The following CIZ1 variants were observed in gnomAD, a reference collection of about 807,000 sequenced individuals.
The protein encoded by CIZ1 is CDKN1A interacting zinc finger protein 1, also known as cip1-interacting zinc finger protein.
A neutral mutation model predicts 118.6 loss-of-function variants in CIZ1; 58 were observed. The observed-to-expected ratio is 0.49, with a 90% CI of 0.40 to 0.61. The LOEUF is 0.61. Among genes scored for constraint, CIZ1 ranks in the 20% least tolerant of loss-of-function variants. The pLI is 0.00. For missense variants in CIZ1, 921 were observed against 1,115.9 expected (o/e 0.83, Z 2.49); for synonymous variants, 448 against 443.4 (o/e 1.01, Z -0.13).
chr9:128,177,106 T>G (rs1830957872), intron 10 of CIZ1, among the ~76,000 whole-genome samples: 1 of 152,064 alleles, frequency 6.6e-6, no homozygotes, highest in Non-Finnish European at 1.5e-5. Flanking sequence ...TTCAGGCTGG[T>G]CTCAAACTCC....
rs563852980 is a variant in CIZ1 at position 128,182,596 on chromosome 9, C to T, written c.589-1782G>A. Among the ~76,000 whole-genome samples the T allele has an allele frequency of 2.6e-5, 4 of 152,300 alleles. No individual in the cohort carries two copies. The East Asian group carries it at 5.8e-4, about 22-fold the overall frequency. On this transcript the variant is annotated intron_variant, in intron 5 of 16. Coordinates refer to ENST00000372938, the MANE Select transcript of CIZ1 (RefSeq NM_001131016.2). ...CCCTGCACAAACGGGCCTCTGCACACTACCTGCCCCGGCCATGCCCCCGCA... is the reference window on the plus strand; with the variant it reads ...CCCTGCACAAACGGGCCTCTGCACATTACCTGCCCCGGCCATGCCCCCGCA...
At chr9:128,181,712 G>A (rs1232173242) in intron 5 of CIZ1, among the ~76,000 whole-genome samples, 1 of 149,740 alleles carries the variant, frequency 6.7e-6, no homozygotes, top group Non-Finnish European at 1.5e-5. Context: ...TGGTCCAGCA[G>A]TAGCAAAAGG....
In CIZ1 at chr9:128,177,546, C is replaced by CCAA; in HGVS notation, c.1818+19_1818+20insTTG. ...CACGCAGGCCCCACCCCTCCCCACC[C>CCAA]TTATCTCCTGTATCAGTACCTGCTG... is the stretch of plus-strand genomic sequence containing the variant. On this transcript the variant is annotated intron_variant, in intron 10 of 16. Coordinates refer to ENST00000372938, the MANE Select transcript of CIZ1 (RefSeq NM_001131016.2). 2.3e-5 allele frequency: 31 copies of CCAA among 1,353,390 alleles called. No homozygotes were observed. Among genetic ancestry groups the CCAA allele is most frequent in the Non-Finnish European group, 3.1e-5 (31 of 1,013,696 alleles). The allele number at this position is 1,353,390 out of a possible 1,614,324, so 83.8% of individuals were successfully genotyped here. A position where few individuals can be genotyped will look rare whatever the true frequency, so the allele number is the denominator to read the frequency against.
intron 11 of CIZ1, among the ~76,000 whole-genome samples, chr9:128,172,924 G>T (rs1830319747): frequency 6.6e-6 from 1 of 152,124 alleles, no homozygotes; most frequent in Non-Finnish European, 1.5e-5. Context: ...TAGATTTTAG[G>T]ATTTAGGGAC....
intron 9 of CIZ1, 61 bp downstream of exon 9, chr9:128,178,308 G>A: frequency 6.4e-7 from 1 of 1,550,860 alleles, no homozygotes; most frequent in Non-Finnish European, 8.7e-7. Flanking sequence ...GGCAGAAAGA[G>A]GCCATCCCAC....
rs530558906 is a variant in CIZ1, at chr9:128,182,843, C to T, written c.589-2029G>A. On this transcript the variant is annotated intron_variant, in intron 5 of 16. Transcript: ENST00000372938. ...CTCACTGTGTTTCCTAGGCTAGTCT[C>T]GAACTCCTGGGCTCAACTGATCCTC... 3.0e-4 allele frequency among the ~76,000 whole-genome samples: 46 copies of T among 151,974 alleles called. 1 individual carries two copies. Among genetic ancestry groups the T allele is most frequent in the Non-Finnish European group, 5.9e-5 (4 of 67,936 alleles).
At position 128,180,823 on chromosome 9, in the gene CIZ1, T is replaced by C; in HGVS notation, c.589-9A>G. ...GTCTGAGAAGAAGAATCCTGCTTCC[T>C]TTCAGAAACTATGTTGACATCCAAT... On this transcript the variant is annotated splice_polypyrimidine_tract_variant and intron_variant, in intron 5 of 16. Transcript: ENST00000372938. 1 of 1,598,680 alleles carries C rather than the reference T, an allele frequency of 6.3e-7. No individual in the cohort carries two copies. Among genetic ancestry groups the C allele is most frequent in the Middle Eastern group, 1.7e-4 (1 of 6,036 alleles).
At chr9:128,188,762 A>T (rs974113878) in intron 3 of CIZ1, among the ~76,000 whole-genome samples, 2 of 151,952 alleles carry the variant, frequency 1.3e-5, no homozygotes, top group Admixed American at 1.3e-4. Flanking sequence ...CCTCCTGAGT[A>T]GCTGGGATTA....
intron 11 of CIZ1, among the ~76,000 whole-genome samples, chr9:128,170,945 G>GC (rs748579673): frequency 1.3e-5 from 2 of 151,702 alleles, no homozygotes; most frequent in Non-Finnish European, 2.9e-5. Context: ...GAGCAACACA[G>GC]CAAGACCCCA....
intron 9 of CIZ1, among the ~76,000 whole-genome samples, chr9:128,178,135 G>A (rs1461015763): frequency 6.6e-6 from 1 of 152,198 alleles, no homozygotes; most frequent in Non-Finnish European, 1.5e-5. Context: ...CTGGCTTGGG[G>A]ATGGGCAGGC....
At chr9:128,176,162 T>C (rs1419126362) in intron 11 of CIZ1, among the ~76,000 whole-genome samples, 189 bp downstream of exon 11, 1 of 152,222 alleles carries the variant, frequency 6.6e-6, no homozygotes, top group African/African-American at 2.4e-5. Flanking sequence ...TCCTGTACTA[T>C]ATCCGTCACC....
chr9:128,201,576 C>T (rs1253267802), intron 1 of CIZ1, among the ~76,000 whole-genome samples: 1 of 152,270 alleles, frequency 6.6e-6, no homozygotes, highest in Non-Finnish European at 1.5e-5. Flanking sequence ...TCTGCCTTCT[C>T]TTGTCCTCAG....
At position 128,179,081 on chromosome 9, in the gene CIZ1, G is replaced by A; in HGVS notation, c.1126C>T (p.Gln376Ter). The change falls in exon 8 of 17, where the codon CAG becomes TAG. Residue 376 changes from glutamine to a stop codon, truncating the protein, a stop_gained. Coordinates refer to ENST00000372938, the MANE Select transcript of CIZ1 (RefSeq NM_001131016.2). LOFTEE classifies it high-confidence loss of function. ...QQEAEPQKQV[Q>*]PQVQPQAHSQ... ...TGTGCCTGTGGCTGTACCTGTGGCTGCACCTGCTTCTGTGGCTCTGCCTCC... is the reference window on the plus strand; with the variant it reads ...TGTGCCTGTGGCTGTACCTGTGGCTACACCTGCTTCTGTGGCTCTGCCTCC... 3 of 1,613,840 alleles carry A rather than the reference G, an allele frequency of 1.9e-6. No homozygotes were observed. The highest frequency in any genetic ancestry group is 2.5e-6 in the Non-Finnish European group (3 of 1,179,824).
intron 5 of CIZ1, 75 bp from the exon 6 acceptor site, chr9:128,180,889 C>T (rs1831509850): frequency 9.3e-7 from 1 of 1,079,426 alleles, no homozygotes; most frequent in Non-Finnish European, 1.4e-6. Flanking sequence ...GGGCAGCTGC[C>T]CCCCATCCTC....
rs895704653 is a variant in CIZ1, at chr9:128,203,739, C to T, written c.-6+447G>A. 4.8e-6 allele frequency: 5 copies of T among 1,052,348 alleles called. No individual in the cohort carries two copies. Among genetic ancestry groups the T allele is most frequent in the Non-Finnish European group, 6.1e-6 (5 of 824,708 alleles). 65.2% of individuals were successfully genotyped at this position (1,052,348 alleles called of 1,614,324 possible). On this transcript the variant is annotated intron_variant, in intron 1 of 17. Coordinates refer to the CIZ1 transcript ENST00000372948. This position sits in a 1 kb window ranked among gnomAD's most constrained non-coding sequence, Gnocchi z 5.3. ...ACCTCGCAGCCCCCGACGCTGCACC[C>T]GCGGCCGGCGCGCCCCCCACCCCCA...
In CIZ1 at chr9:128,166,396, G is replaced by C. The variant is rs759206711; in HGVS notation, c.2498C>G (p.Ala833Gly). Residue 833 changes from alanine (A) to glycine (G), a missense_variant, in exon 17 of 17, where the codon GCG becomes GGG. Transcript: ENST00000372938. This position sits in a 1 kb window ranked among gnomAD's most constrained non-coding sequence, Gnocchi z 4.4. ...GHFENLQKYKAAKNPSPTTRP... is the reference protein window; with the variant it reads ...GHFENLQKYKGAKNPSPTTRP... ...GGTGGTGGGGCTGGGGTTCTTGGCC[G>C]CCTTGTATTTCTGGATACAGAAGGT... 1.3e-5 allele frequency: 20 copies of C among 1,535,908 alleles called. No homozygotes were observed. The highest frequency in any genetic ancestry group is 2.7e-5 in the African/African-American group (2 of 72,912).
At chr9:128,191,868 C>A (rs1052831937), upstream of CIZ1, 5 of 1,466,232 alleles carry the variant, frequency 3.4e-6, no homozygotes, top group Non-Finnish European at 4.5e-6. This position sits in a 1 kb window ranked among gnomAD's most constrained non-coding sequence, Gnocchi z 5.5. Flanking sequence ...CCTGCGGCCG[C>A]CGCGGTCCTG....
chr9:128,198,474 C>G (rs1383254680), intron 1 of CIZ1: 2 of 152,204 alleles, frequency 1.3e-5, no homozygotes, highest in Non-Finnish European at 2.9e-5. Flanking sequence ...AAGGCCACTG[C>G]TCAATTCAAC....
intron 6 of CIZ1, 92 bp downstream of exon 6, chr9:128,180,629 C>T (rs942555361): frequency 2.7e-5 from 36 of 1,342,282 alleles, no homozygotes; most frequent in Admixed American, 2.3e-4. Flanking sequence ...AGAACCCCTG[C>T]CTCCCACACC....
Sources: allele counts gnomAD v4.1 joint callset (sites outside exome capture counted in the v4.1 genomes callset), GRCh38; gene constraint gnomAD v4.1.1; non-coding constraint Gnocchi (gnomAD v3.1); transcripts MANE v1.5; gene names NCBI Gene and HGNC (gene_info 2026-07-23, HGNC 2026-07-21).